Variants in MAN1C1 observed in about 807,000 individuals in gnomAD.
MAN1C1 encodes mannosyl-oligosaccharide 1,2-alpha-mannosidase IC.
MAN1C1 carries 49 observed loss-of-function variants against 71.5 expected under a neutral mutation model. The ratio of observed to expected loss-of-function variants is 0.69; its 90% CI spans 0.54 to 0.87. The LOEUF (loss-of-function observed/expected upper bound fraction) is 0.87. Ranked by LOEUF, MAN1C1 falls within the 40% of genes least tolerant of loss-of-function variation. The pLI is 0.00. For synonymous variants in MAN1C1, 352 were observed against 343.7 expected (o/e 1.02, Z -0.27); for missense variants, 743 against 835.0 (o/e 0.89, Z 1.36).
chr1:25,624,711 A>G (rs1456947208), intron 1 of MAN1C1, among the ~76,000 whole-genome samples: 1 of 152,154 alleles, frequency 6.6e-6, no homozygotes, highest in Non-Finnish European at 1.5e-5. Flanking sequence ...CTAAATAGCA[A>G]CCATTTTCAA....
At chr1:25,766,678 C>T (rs776771252) in intron 7 of MAN1C1, among the ~76,000 whole-genome samples, 1 of 152,106 alleles carries the variant, frequency 6.6e-6, no homozygotes, top group Non-Finnish European at 1.5e-5. Context: ...ACCAGGCTCC[C>T]GATGGTGCCC....
chr1:25,758,363 T>G (rs2047316707), intron 5 of MAN1C1, among the ~76,000 whole-genome samples: 1 of 152,182 alleles, frequency 6.6e-6, no homozygotes, highest in South Asian at 2.1e-4. Context: ...ACAAAGAATA[T>G]TCCAAGTCAG....
intron 1 of MAN1C1, among the ~76,000 whole-genome samples, chr1:25,670,884 C>T (rs1177916152): frequency 6.6e-6 from 1 of 152,142 alleles, no homozygotes; most frequent in Non-Finnish European, 1.5e-5. Flanking sequence ...GCCTCTGCCA[C>T]TACTTTTTTT....
chr1:25,771,829 A>ACGGC lies in MAN1C1; in HGVS notation c.1257+60_1257+63dup, dbSNP rs1438252084. 7 of 1,435,760 alleles carry ACGGC rather than the reference A, an allele frequency of 4.9e-6. No individual in the cohort carries two copies. In the African/African-American group the frequency reaches 8.4e-5, roughly 17 times the overall value. The allele number at this position is 1,435,760 out of a possible 1,614,324, so 88.9% of individuals were successfully genotyped here. A position where few individuals can be genotyped will look rare whatever the true frequency, so the allele number is the denominator to read the frequency against. ...CTGGTCACCAGCCCCCGGCTCTCTC[A>ACGGC]CGGCCGAGCGAGGGTGCTGCGGGCA... On this transcript the variant is annotated intron_variant, in intron 8 of 11. Transcript: ENST00000374332.
intron 2 of MAN1C1, among the ~76,000 whole-genome samples, chr1:25,734,693 G>A (rs55892889): frequency 2.0e-5 from 3 of 152,336 alleles, no homozygotes; most frequent in African/African-American, 7.2e-5. Context: ...CATAGAGGCA[G>A]TGCAGGGAGG....
intron 1 of MAN1C1, among the ~76,000 whole-genome samples, chr1:25,666,168 C>A (rs1424325175): frequency 6.6e-6 from 1 of 152,120 alleles, no homozygotes; most frequent in Non-Finnish European, 1.5e-5. Flanking sequence ...AGGAATTATG[C>A]CTCTGATTTC....
At chr1:25,734,975 G>A (rs2046961323) in intron 2 of MAN1C1, among the ~76,000 whole-genome samples, 1 of 152,218 alleles carries the variant, frequency 6.6e-6, no homozygotes, top group Non-Finnish European at 1.5e-5. Context: ...GTAGACATTG[G>A]ATTGAGACGT....
chr1:25,714,317 T>C (rs986870799), intron 2 of MAN1C1, among the ~76,000 whole-genome samples: 1 of 152,146 alleles, frequency 6.6e-6, no homozygotes, highest in African/African-American at 2.4e-5. Flanking sequence ...CTTTTATCCC[T>C]TCAAAAATAA....
chr1:25,691,944 C>A (rs573357768), intron 2 of MAN1C1, among the ~76,000 whole-genome samples: 7 of 152,250 alleles, frequency 4.6e-5, no homozygotes, highest in Middle Eastern at 3.4e-3. Context: ...CTGTGTAGTC[C>A]GTGAGAAATT....
chr1:25,724,244 T>C (rs2046805101), intron 2 of MAN1C1, among the ~76,000 whole-genome samples: 2 of 152,100 alleles, frequency 1.3e-5, no homozygotes, highest in African/African-American at 2.4e-5. Context: ...GGCCAAGATG[T>C]TCTCGATCTC....
chr1:25,664,354 G>A (rs75555854), intron 1 of MAN1C1, among the ~76,000 whole-genome samples: 3,588 of 152,094 alleles, frequency 0.024, 142 homozygotes, highest in African/African-American at 0.082. Context: ...CCATGGGGGA[G>A]AAAACCTTAC....
At chr1:25,760,364 C>A (rs2047344689) in intron 6 of MAN1C1, 1 of 152,174 alleles carries the variant, frequency 6.6e-6, no homozygotes, top group South Asian at 2.1e-4. Flanking sequence ...TCCTTCCAGA[C>A]CAGATTGATA....
intron 1 of MAN1C1, among the ~76,000 whole-genome samples, chr1:25,660,908 C>G (rs2045838209): frequency 6.6e-6 from 1 of 151,740 alleles, no homozygotes; most frequent in South Asian, 2.1e-4. Context: ...CCAGGCTGGT[C>G]TCAAACTTCT....
intron 2 of MAN1C1, among the ~76,000 whole-genome samples, chr1:25,729,010 C>G (rs111624387): frequency 0.01 from 1,561 of 152,340 alleles, 17 homozygotes; most frequent in African/African-American, 0.035. Flanking sequence ...TTCCAGCCTT[C>G]TCGGCAGCCT....
intron 1 of MAN1C1, among the ~76,000 whole-genome samples, chr1:25,664,192 A>AC (rs2045889116): frequency 6.6e-6 from 1 of 150,514 alleles, no homozygotes; most frequent in Non-Finnish European, 1.5e-5. Context: ...CGTTAGTGGC[A>AC]CCCCATGCTG....
chr1:25,639,869 G>A (rs576246276), intron 1 of MAN1C1, among the ~76,000 whole-genome samples: 49 of 152,114 alleles, frequency 3.2e-4, no homozygotes, highest in Non-Finnish European at 6.8e-4. Flanking sequence ...AGTTATTTGT[G>A]TATTTTTTGC....
In MAN1C1 at chr1:25,753,600, C is replaced by T; in HGVS notation, c.929+22C>T. The T allele has an allele frequency of 1.9e-6, 3 of 1,603,754 alleles. No individual in the cohort carries two copies. Among genetic ancestry groups the T allele is most frequent in the Non-Finnish European group, 2.6e-6 (3 of 1,171,976 alleles). ...AAAGGTAGGGCGCCATCGCGTTCCC[C>T]ACTGGGGCTTTACTGCGACCATGCC... On this transcript the variant is annotated intron_variant, in intron 5 of 11. Coordinates refer to ENST00000374332, the MANE Select transcript of MAN1C1 (RefSeq NM_020379.4). This position sits in a 1 kb window ranked among gnomAD's most constrained non-coding sequence, Gnocchi z 4.9.
intron 7 of MAN1C1, among the ~76,000 whole-genome samples, chr1:25,768,602 C>T (rs1572208291): frequency 8.6e-6 from 1 of 116,874 alleles, no homozygotes; most frequent in African/African-American, 3.1e-5. Flanking sequence ...CCACACTCCC[C>T]TCACATACAT....
intron 1 of MAN1C1, among the ~76,000 whole-genome samples, chr1:25,629,030 A>G (rs747202341): frequency 1.3e-5 from 2 of 152,134 alleles, no homozygotes; most frequent in Non-Finnish European, 2.9e-5. Flanking sequence ...TATCTTTGCA[A>G]TTGTGAATTG....
Sources: allele counts gnomAD v4.1 joint callset (sites outside exome capture counted in the v4.1 genomes callset), GRCh38; gene constraint gnomAD v4.1.1; non-coding constraint Gnocchi (gnomAD v3.1); transcripts MANE v1.5; gene names NCBI Gene and HGNC (gene_info 2026-07-23, HGNC 2026-07-21).